ATM: variants seen among roughly 807,000 people sequenced by gnomAD.
The protein encoded by ATM is serine-protein kinase ATM.
ATM carries 308 observed loss-of-function variants against 387.0 expected under a neutral mutation model. That is an observed-to-expected ratio of 0.80 (90% CI 0.73 to 0.87). The LOEUF (loss-of-function observed/expected upper bound fraction) is 0.87. Among genes scored for constraint, ATM ranks in the 40% least tolerant of loss-of-function variants. ATM has a pLI of 0.00. For missense variants in ATM, 3,312 were observed against 3,560.9 expected (o/e 0.93, Z 1.78); for synonymous variants, 1,156 against 1,187.3 (o/e 0.97, Z 0.54).
rs2234998 is a variant in ATM at position 108,235,738 on chromosome 11, G to A, written c.400G>A (p.Gly134Ser). The change falls in exon 5 of 63, where the codon GGT (glycine) becomes AGT (serine). Residue 134 changes from glycine to serine, a missense_variant. Transcript: ENST00000675843. Reference sequence around the variant, plus strand: ...GGATACAGTGAAAGATTCATCTAATGGTGCTATTTACGGAGCTGATTGTAG... The same window carrying A: ...GGATACAGTGAAAGATTCATCTAATAGTGCTATTTACGGAGCTGATTGTAG... Reference protein sequence around the residue: ...IMDTVKDSSNGAIYGADCSNI... With the variant: ...IMDTVKDSSNSAIYGADCSNI... 7 of 1,612,422 alleles carry A rather than the reference G, an allele frequency of 4.3e-6. No individual in the cohort carries two copies. The Admixed American group carries it at 1.2e-4, about 27-fold the overall frequency.
intron 16 of ATM, among the ~76,000 whole-genome samples, chr11:108,261,856 T>C (rs2080911884): frequency 6.6e-6 from 1 of 152,094 alleles, no homozygotes; most frequent in Non-Finnish European, 1.5e-5. Context: ...CAGGAGCCGA[T>C]GCGATCAACT....
chr11:108,282,837 CT>C lies in ATM; in HGVS notation c.3708del (p.Phe1236LeufsTer4). On this transcript the variant is annotated frameshift_variant, in exon 25 of 63. Coordinates refer to ENST00000675843, the MANE Select transcript of ATM (RefSeq NM_000051.4). LOFTEE classifies it high-confidence loss of function. ...ACTGAATACAACTTATCTTCTTTTCCTTTTATTTTATTAAACTACACAAATA... is the reference window on the plus strand; with the variant it reads ...ACTGAATACAACTTATCTTCTTTTCCTTTATTTTATTAAACTACACAAATA... ...QDTEYNLSSF[P>X]FILLNYTNIE... 1 of 1,535,250 alleles carries C rather than the reference CT, an allele frequency of 6.5e-7. No homozygotes were observed. Among genetic ancestry groups the C allele is most frequent in the Non-Finnish European group, 9.0e-7 (1 of 1,111,282 alleles).
intron 37 of ATM, among the ~76,000 whole-genome samples, chr11:108,306,080 T>C (rs2135955599): frequency 6.6e-6 from 1 of 152,364 alleles, no homozygotes; most frequent in African/African-American, 2.4e-5. Context: ...CTTTTAGTTT[T>C]ACTGCTACAA....
At chr11:108,309,564 G>C (rs2083971230) in intron 38 of ATM, among the ~76,000 whole-genome samples, 2 of 152,142 alleles carry the variant, frequency 1.3e-5, no homozygotes, top group Admixed American at 1.3e-4. Context: ...TTCAACACTA[G>C]TGCTCTTAAG....
intron 61 of ATM, among the ~76,000 whole-genome samples, chr11:108,358,492 G>A (rs2090313022): frequency 6.7e-6 from 1 of 149,764 alleles, no homozygotes; most frequent in African/African-American, 2.5e-5. Flanking sequence ...ACACATAATT[G>A]TCAGATTCAC....
rs587782470 is a variant in ATM at position 108,281,122 on chromosome 11, G to C, written c.3530G>C (p.Cys1177Ser). ...GAAAAACAGGCTTTGTTTGCCCTGT[G>C]TAAATCTGTGAAAGAGAATGGATTA... The part of the protein sequence containing the change: ...ICEKQALFAL[C>S]KSVKENGLEP... The change falls in exon 24 of 63, where the codon TGT becomes TCT. Residue 1177 changes from cysteine to serine, a missense_variant. By Grantham distance (112) the Cys-to-Ser change is moderately radical (BLOSUM62 -1). This residue lies in a region of ATM where 1,791 missense variants were observed against 1,804.5 expected (regional missense o/e 0.99). Transcript: ENST00000675843. 1.2e-6 allele frequency: 2 copies of C among 1,613,998 alleles called. No homozygotes were observed. Among genetic ancestry groups the C allele is most frequent in the Non-Finnish European group, 1.7e-6 (2 of 1,179,974 alleles).
Position 108,250,912 on chromosome 11 carries a change from C to T in ATM, c.1447C>T (p.Leu483Phe), listed in dbSNP as rs2135323121. The T allele has an allele frequency of 6.2e-7, 1 of 1,614,110 alleles. No homozygotes were observed. The highest frequency in any genetic ancestry group is 8.5e-7 in the Non-Finnish European group (1 of 1,180,018). ...CTCACAAAAGTCAGATTTATTAAAA[C>T]TCTGGAATAAAATTTGGTGTATTAC... Reference protein sequence around the residue: ...ESSQKSDLLKLWNKIWCITFR... With the variant: ...ESSQKSDLLKFWNKIWCITFR... Residue 483 changes from leucine (L) to phenylalanine (F), a missense_variant, in exon 10 of 63, where the codon CTC becomes TTC. Around this residue, in one of 4 missense-constraint regions of ATM, gnomAD observed 1,791 missense variants for 1,804.5 expected, o/e 0.99. Coordinates refer to ENST00000675843, the MANE Select transcript of ATM (RefSeq NM_000051.4).
intron 54 of ATM, among the ~76,000 whole-genome samples, chr11:108,334,417 A>G (rs916425485): frequency 2.0e-5 from 3 of 152,246 alleles, no homozygotes; most frequent in African/African-American, 7.2e-5. Context: ...TATGCATGAT[A>G]CACTTAGCTC....
In ATM at chr11:108,259,308, T is replaced by G. The variant is rs569241674; in HGVS notation, c.2466+233T>G. Among the ~76,000 whole-genome samples the G allele has an allele frequency of 2.1e-3, 316 of 152,108 alleles. 1 individual carries two copies. The highest frequency in any genetic ancestry group is 7.1e-3 in the African/African-American group (295 of 41,496). On this transcript the variant is annotated intron_variant, in intron 16 of 62. Coordinates refer to ENST00000675843, the MANE Select transcript of ATM (RefSeq NM_000051.4). ...ATTGAGACCATCCTGGCTAACACGG[T>G]GAAACCCCGTCTCTACTAAAAATAC...
At chr11:108,252,730 T>C in intron 11 of ATM, 87 bp from the exon 12 acceptor site, 2 of 933,780 alleles carry the variant, frequency 2.1e-6, no homozygotes, top group Non-Finnish European at 3.4e-6. Context: ...AAGTCAAGAT[T>C]TATAGCTAAA....
intron 61 of ATM, among the ~76,000 whole-genome samples, chr11:108,359,217 A>G (rs1335535825): frequency 1.3e-5 from 2 of 151,728 alleles, no homozygotes; most frequent in Non-Finnish European, 2.9e-5. Context: ...ACATAATGGT[A>G]AAGGGATCAA....
At chr11:108,235,648 T>C (rs1369822192) in intron 4 of ATM, 22 bp from the exon 5 acceptor site, 2 of 1,574,816 alleles carry the variant, frequency 1.3e-6, no homozygotes, top group Non-Finnish European at 1.7e-6. Flanking sequence ...ATGTTTTTCT[T>C]TATTTGTTTA....
At position 108,284,479 on chromosome 11, in the gene ATM, G is replaced by T. The variant is rs878853508; in HGVS notation, c.3993+6G>T. ...AAAACTTATTGGGAAAACAGGTATG[G>T]CTTCAATTTTTATGTACTTTTCATT... On this transcript the variant is annotated splice_donor_region_variant and intron_variant, in intron 26 of 62. Transcript: ENST00000675843. 6.2e-7 allele frequency: 1 copy of T among 1,613,678 alleles called. No homozygotes were observed. The highest frequency in any genetic ancestry group is 8.5e-7 in the Non-Finnish European group (1 of 1,179,766).
chr11:108,316,320 A>G (rs553346715), intron 42 of ATM, among the ~76,000 whole-genome samples: 30 of 152,312 alleles, frequency 2.0e-4, no homozygotes, highest in African/African-American at 6.7e-4. Flanking sequence ...GAGACACAGG[A>G]AAGTCAGACA....
At chr11:108,298,566 G>A (rs2083244002) in intron 33 of ATM, among the ~76,000 whole-genome samples, 1 of 152,132 alleles carries the variant, frequency 6.6e-6, no homozygotes, top group Non-Finnish European at 1.5e-5. Context: ...AGCCCTAAGT[G>A]GCTTTCCTGT....
chr11:108,276,744 C>G (rs1160589323), intron 22 of ATM, among the ~76,000 whole-genome samples: 1 of 152,146 alleles, frequency 6.6e-6, no homozygotes, highest in African/African-American at 2.4e-5. Context: ...GAAGGTTCGT[C>G]CCAGAGCGGC....
At chr11:108,316,388 C>G (rs1369262834) in intron 42 of ATM, among the ~76,000 whole-genome samples, 1 of 152,072 alleles carries the variant, frequency 6.6e-6, no homozygotes, top group Non-Finnish European at 1.5e-5. Context: ...TGGATAACAA[C>G]AGAAGACATT....
chr11:108,257,803 T>A (rs988273777), intron 15 of ATM, among the ~76,000 whole-genome samples, 197 bp downstream of exon 15: 4 of 152,196 alleles, frequency 2.6e-5, no homozygotes, highest in Admixed American at 2.6e-4. Context: ...TACTTGAAAG[T>A]GTAGCCTATG....
At position 108,257,458 on chromosome 11, in the gene ATM, A is replaced by AT. The variant is rs730881284; in HGVS notation, c.2251-18dup. 799 of 1,610,386 alleles carry AT rather than the reference A, an allele frequency of 5.0e-4. No individual in the cohort carries two copies. The highest frequency in any genetic ancestry group is 6.3e-4 in the Non-Finnish European group (740 of 1,179,286). On this transcript the variant is annotated intron_variant, in intron 14 of 62. Coordinates refer to ENST00000675843, the MANE Select transcript of ATM (RefSeq NM_000051.4). ...AACTATAATTTTAACTGGAATTTGC[A>AT]TTTTTCCTTCTATTCACAATAGTCT...
Sources: gnomAD v4.1 joint callset for allele counts (sites outside exome capture counted in the v4.1 genomes callset) on GRCh38, gnomAD v4.1.1 for gene constraint, gnomAD v4.1.1 regional missense constraint, MANE v1.5 for transcripts, NCBI Gene and HGNC (gene_info 2026-07-23, HGNC 2026-07-21) for gene names.